RTL4: variants seen among roughly 807,000 people sequenced by gnomAD.
RTL4 encodes retrotransposon Gag like 4.
A neutral mutation model predicts 5.3 loss-of-function variants in RTL4; 4 were observed. The observed-to-expected ratio is 0.75, with a 90% CI of 0.37 to 1.72. The LOEUF is 1.72. Ranked by LOEUF, RTL4 falls within the 40% of genes most tolerant of loss-of-function variation. The pLI is 0.04. For synonymous variants in RTL4, 98 were observed against 87.3 expected (o/e 1.12, Z -0.68); for missense variants, 260 against 227.1 (o/e 1.14, Z -0.93).
At chrX:112,234,064 T>C in the RTL4 span, among the ~76,000 whole-genome samples, 1 of 109,527 alleles carries the variant, frequency 9.1e-6, no homozygotes, top group Non-Finnish European at 1.9e-5. Flanking sequence ...TGGTGGCGGG[T>C]GCCTGTAGTC....
the RTL4 span, among the ~76,000 whole-genome samples, chrX:112,249,439 G>C: frequency 2.7e-5 from 3 of 111,031 alleles, no homozygotes; most frequent in African/African-American, 9.8e-5. Flanking sequence ...CAGATATTTG[G>C]CTCATCATTG....
the RTL4 span, among the ~76,000 whole-genome samples, chrX:112,218,406 T>C: frequency 8.9e-6 from 1 of 112,118 alleles, no homozygotes; most frequent in Admixed American, 9.4e-5. Flanking sequence ...TGTGATTAGG[T>C]TGCCTCATGC....
chrX:112,140,495 G>A, the RTL4 span, among the ~76,000 whole-genome samples: 17 of 111,907 alleles, frequency 1.5e-4, no homozygotes, highest in Middle Eastern at 4.6e-3. Flanking sequence ...ACAGTTTCTA[G>A]AGATTGGGAA....
chrX:112,200,849 T>C, the RTL4 span, among the ~76,000 whole-genome samples: 1 of 111,940 alleles, frequency 8.9e-6, no homozygotes, highest in Non-Finnish European at 1.9e-5. Context: ...TAGGCTTTTG[T>C]ATTTGTCAGG....
chrX:112,204,062 G>C, the RTL4 span, among the ~76,000 whole-genome samples: 1 of 112,509 alleles, frequency 8.9e-6, no homozygotes, highest in Non-Finnish European at 1.9e-5. Flanking sequence ...ATGCCAAAAG[G>C]CATAAGAAAA....
the RTL4 span, among the ~76,000 whole-genome samples, chrX:112,094,243 A>G: frequency 2.7e-5 from 3 of 111,897 alleles, no homozygotes; most frequent in Middle Eastern, 9.3e-3. Context: ...AAACTTAGTG[A>G]TGGATCGAAT....
the RTL4 span, among the ~76,000 whole-genome samples, chrX:112,176,223 G>T: frequency 8.9e-6 from 1 of 111,988 alleles, no homozygotes; most frequent in African/African-American, 3.2e-5. Flanking sequence ...TGAAATAAAA[G>T]AGGATACAAA....
chrX:112,116,456 G>T, the RTL4 span, among the ~76,000 whole-genome samples: 21 of 111,199 alleles, frequency 1.9e-4, no homozygotes, highest in African/African-American at 6.2e-4. Context: ...GACCCAAGCA[G>T]GTTGCCACTA....
chrX:112,209,883 G>T, the RTL4 span, among the ~76,000 whole-genome samples: 1 of 111,719 alleles, frequency 9.0e-6, no homozygotes, highest in East Asian at 2.8e-4. Flanking sequence ...GTAGTTATCT[G>T]CAGAAGATGG....
At chrX:112,163,627 G>A in the RTL4 span, among the ~76,000 whole-genome samples, 1 of 112,148 alleles carries the variant, frequency 8.9e-6, no homozygotes, top group South Asian at 3.7e-4. Flanking sequence ...AAAATTCTGT[G>A]CATAAACTTT....
the RTL4 span, among the ~76,000 whole-genome samples, chrX:112,382,556 A>C: frequency 8.9e-6 from 1 of 112,442 alleles, no homozygotes; most frequent in Non-Finnish European, 1.9e-5. Context: ...GTTGTGATTT[A>C]TTTCATCTAG....
the RTL4 span, among the ~76,000 whole-genome samples, chrX:112,430,957 T>C: frequency 8.9e-6 from 1 of 112,008 alleles, no homozygotes; most frequent in Non-Finnish European, 1.9e-5. Flanking sequence ...AAAAGATCTG[T>C]GTCAAAAAGG....
the RTL4 span, among the ~76,000 whole-genome samples, chrX:112,190,139 C>CCTTTCTTTCTTTCTTTCTTT: frequency 5.2e-5 from 4 of 77,130 alleles, no homozygotes; most frequent in Non-Finnish European, 1.0e-4. Flanking sequence ...GTAGCCTGTC[C>CCTTTCTTTCTTTCTTTCTTT]CTTTCTTTCT....
chrX:112,208,226 C>A, the RTL4 span, among the ~76,000 whole-genome samples: 1 of 111,751 alleles, frequency 8.9e-6, no homozygotes, highest in African/African-American at 3.3e-5. Flanking sequence ...TCATGTTCCT[C>A]TGTTTTTTAA....
chrX:112,448,910 A>T, the RTL4 span, among the ~76,000 whole-genome samples: 4,032 of 112,099 alleles, frequency 0.036, 188 homozygotes, highest in African/African-American at 0.12. Flanking sequence ...CACACAGACC[A>T]TGAAGCCCAT....
At chrX:112,152,366 T>A in the RTL4 span, among the ~76,000 whole-genome samples, 1 of 111,978 alleles carries the variant, frequency 8.9e-6, no homozygotes, top group Non-Finnish European at 1.9e-5. Flanking sequence ...GGAAACTCAA[T>A]GGAAGTTTGT....
the RTL4 span, among the ~76,000 whole-genome samples, chrX:112,215,268 C>T: frequency 9.0e-6 from 1 of 111,470 alleles, no homozygotes; most frequent in Non-Finnish European, 1.9e-5. Flanking sequence ...GTGTTGGGCA[C>T]ATCACAATTC....
At chrX:112,118,497 A>G in the RTL4 span, among the ~76,000 whole-genome samples, 4 of 112,216 alleles carry the variant, frequency 3.6e-5, no homozygotes, top group African/African-American at 1.3e-4. Context: ...GACACGGTCA[A>G]AGAAGGAAGC....
chrX:112,158,377 C>A, the RTL4 span, among the ~76,000 whole-genome samples: 19 of 110,095 alleles, frequency 1.7e-4, no homozygotes, highest in Non-Finnish European at 3.6e-4. Flanking sequence ...ACTTGCAATA[C>A]TATTTCACTG....
Sources: allele counts gnomAD v4.1 joint callset (sites outside exome capture counted in the v4.1 genomes callset), GRCh38; gene constraint gnomAD v4.1.1; transcripts MANE v1.5; gene names NCBI Gene and HGNC (gene_info 2026-07-23, HGNC 2026-07-21).